NEGR1: variants seen among roughly 807,000 people sequenced by gnomAD.
The protein encoded by NEGR1 is neuronal growth regulator 1, also known as IgLON family member 4.
Under a neutral mutation model 40.9 loss-of-function variants are expected in NEGR1, and 10 were observed. The observed-to-expected ratio is 0.24, with a 90% CI of 0.15 to 0.42. NEGR1 has a LOEUF of 0.42. Among genes scored for constraint, NEGR1 ranks in the 10% least tolerant of loss-of-function variants. The pLI, the probability that NEGR1 is intolerant of heterozygous loss-of-function variation, is 1.00. For synonymous variants in NEGR1, 185 were observed against 166.8 expected (o/e 1.11, Z -0.84); for missense variants, 352 against 438.9 (o/e 0.80, Z 1.77).
Position 71,685,694 on chromosome 1 carries a change from C to T in NEGR1, c.667+12314G>A, listed in dbSNP as rs533283186. ...CCTCTCCACGTGTGTACTCCACTTC[C>T]CCCTTCCTCCCCACACCAAATTTAT... is the stretch of plus-strand genomic sequence containing the variant. On this transcript the variant is annotated intron_variant, in intron 4 of 6. Transcript: ENST00000357731. Among the ~76,000 whole-genome samples, 164 of 152,220 alleles carry T rather than the reference C, an allele frequency of 1.1e-3. 1 individual carries two copies. The highest frequency in any genetic ancestry group is 3.9e-3 in the African/African-American group (160 of 41,536).
At chr1:71,931,412 C>T (rs1412049958) in intron 2 of NEGR1, among the ~76,000 whole-genome samples, 5 of 152,058 alleles carry the variant, frequency 3.3e-5, no homozygotes. Context: ...GTTGTTATAA[C>T]AGAATTTCCC....
At chr1:72,213,553 A>T (rs189398063) in intron 1 of NEGR1, among the ~76,000 whole-genome samples, 1 of 152,136 alleles carries the variant, frequency 6.6e-6, no homozygotes, top group Admixed American at 6.6e-5. Context: ...TTTCTACCAG[A>T]AAGTGTCAGC....
intron 1 of NEGR1, among the ~76,000 whole-genome samples, chr1:71,949,610 T>G (rs750703348): frequency 2.0e-5 from 3 of 152,108 alleles, no homozygotes; most frequent in Admixed American, 6.6e-5. Flanking sequence ...CAGGGCAGGT[T>G]TAGTAGGAGA....
At chr1:71,750,176 G>T (rs940594904) in intron 3 of NEGR1, among the ~76,000 whole-genome samples, 1 of 151,828 alleles carries the variant, frequency 6.6e-6, no homozygotes, top group South Asian at 2.1e-4. Context: ...TGTATTTTTA[G>T]TAGAGACGGG....
At chr1:71,504,616 T>C (rs1447265321) in intron 6 of NEGR1, among the ~76,000 whole-genome samples, 3 of 152,186 alleles carry the variant, frequency 2.0e-5, no homozygotes, top group Admixed American at 2.0e-4. Flanking sequence ...GGACTTTTAA[T>C]AAATTTGAAG....
chr1:71,784,391 G>C (rs1226552241), intron 2 of NEGR1, among the ~76,000 whole-genome samples: 1 of 151,658 alleles, frequency 6.6e-6, no homozygotes, highest in African/African-American at 2.4e-5. Flanking sequence ...GCCTTCAAGG[G>C]ACTAATGTTA....
At chr1:72,204,372 G>T (rs1653320840) in intron 1 of NEGR1, among the ~76,000 whole-genome samples, 1 of 151,922 alleles carries the variant, frequency 6.6e-6, no homozygotes, top group Non-Finnish European at 1.5e-5. Flanking sequence ...GATTAAAATT[G>T]ATTTTAGGAG....
chr1:71,578,011 T>C (rs553332731), intron 6 of NEGR1, among the ~76,000 whole-genome samples: 1 of 152,164 alleles, frequency 6.6e-6, no homozygotes, highest in East Asian at 1.9e-4. Flanking sequence ...CTTTCCTTAT[T>C]CTCTAATTGA....
chr1:72,268,032 G>A (rs543835829), intron 1 of NEGR1, among the ~76,000 whole-genome samples: 2 of 151,192 alleles, frequency 1.3e-5, no homozygotes, highest in East Asian at 1.9e-4. Context: ...GTGTGAGGTC[G>A]CCATGTCTTC....
intron 1 of NEGR1, among the ~76,000 whole-genome samples, chr1:72,117,231 G>T (rs1398466144): frequency 6.6e-6 from 1 of 151,672 alleles, no homozygotes; most frequent in East Asian, 1.9e-4. Flanking sequence ...TATTATTTAT[G>T]GTCTTAGTTA....
chr1:71,519,669 T>G (rs1647140002), intron 6 of NEGR1, among the ~76,000 whole-genome samples: 1 of 135,118 alleles, frequency 7.4e-6, no homozygotes. Flanking sequence ...GCATGGCACA[T>G]GTATACATAT....
chr1:71,541,629 A>G (rs1306890478), intron 6 of NEGR1, among the ~76,000 whole-genome samples: 6 of 151,816 alleles, frequency 4.0e-5, no homozygotes, highest in Admixed American at 3.9e-4. Context: ...CCAGGTGGGT[A>G]AGGACAGATT....
At chr1:72,147,969 T>C (rs139766168) in intron 1 of NEGR1, among the ~76,000 whole-genome samples, 195 of 152,222 alleles carry the variant, frequency 1.3e-3, no homozygotes, top group African/African-American at 3.8e-3. Flanking sequence ...CCCTCCTGGT[T>C]GCTTTCATGG....
chr1:72,202,025 T>C (rs1051387402), intron 1 of NEGR1, among the ~76,000 whole-genome samples: 4 of 152,006 alleles, frequency 2.6e-5, no homozygotes, highest in Admixed American at 6.6e-5. Flanking sequence ...ACTTACTTCA[T>C]GTCTCTGGGT....
At chr1:71,920,928 T>G (rs960506892) in intron 2 of NEGR1, among the ~76,000 whole-genome samples, 20 of 152,180 alleles carry the variant, frequency 1.3e-4, no homozygotes, top group African/African-American at 4.6e-4. Flanking sequence ...TTTTCACTCA[T>G]GCCATTGTGT....
chr1:71,440,547 C>T (rs1367067769), intron 6 of NEGR1, among the ~76,000 whole-genome samples: 1 of 152,162 alleles, frequency 6.6e-6, no homozygotes, highest in East Asian at 1.9e-4. Flanking sequence ...TATTATATCA[C>T]TTATGGATAA....
intron 2 of NEGR1, among the ~76,000 whole-genome samples, chr1:71,909,038 A>G (rs1261306664): frequency 1.3e-5 from 2 of 152,148 alleles, no homozygotes; most frequent in Non-Finnish European, 2.9e-5. Context: ...GCAACTCCCA[A>G]TAGTATTAAT....
chr1:71,601,122 T>C (rs373015394), intron 5 of NEGR1, among the ~76,000 whole-genome samples: 1 of 152,220 alleles, frequency 6.6e-6, no homozygotes, highest in South Asian at 2.1e-4. Context: ...TATCTAATAC[T>C]CTAAGCCATA....
chr1:71,973,207 T>C (rs900838945), intron 1 of NEGR1, among the ~76,000 whole-genome samples: 11 of 151,544 alleles, frequency 7.3e-5, no homozygotes, highest in Admixed American at 3.3e-4. Context: ...TCCCAGCTAC[T>C]CTGGAAGCTG....
Sources: gnomAD v4.1 joint callset for allele counts (sites outside exome capture counted in the v4.1 genomes callset) on GRCh38, gnomAD v4.1.1 for gene constraint, MANE v1.5 for transcripts, NCBI Gene and HGNC (gene_info 2026-07-23, HGNC 2026-07-21) for gene names.